COL14A1: variants seen among roughly 807,000 people sequenced by gnomAD.
COL14A1 encodes collagen type XIV alpha 1 chain.
A neutral mutation model predicts 230.3 loss-of-function variants in COL14A1; 136 were observed. That is an observed-to-expected ratio of 0.59 (90% CI 0.51 to 0.68). COL14A1 has a LOEUF of 0.68. Among genes scored for constraint, COL14A1 ranks in the 30% least tolerant of loss-of-function variants. The probability of loss-of-function intolerance (pLI) is 0.00; values close to 1 mark genes in which losing one functional copy is unlikely to be tolerated. For synonymous variants in COL14A1, 792 were observed against 784.1 expected (o/e 1.01, Z -0.17); for missense variants, 1,976 against 2,215.8 (o/e 0.89, Z 2.17).
At position 120,371,848 on chromosome 8, in the gene COL14A1, A is replaced by C; in HGVS notation, c.*617A>C. On this transcript the variant is annotated 3_prime_UTR_variant, in exon 48 of 48. Coordinates refer to ENST00000297848, the MANE Select transcript of COL14A1 (RefSeq NM_021110.4). ...CAGATTTAGTTTTTCAGTGGTTTTA[A>C]CTCATGTGAAATAATGATTTTCCAC... 2.6e-6 allele frequency: 1 copy of C among 378,558 alleles called. No homozygotes were observed. Among genetic ancestry groups the C allele is most frequent in the Non-Finnish European group, 4.7e-6 (1 of 213,022 alleles). 23.4% of individuals were successfully genotyped at this position (378,558 alleles called of 1,614,324 possible). A position where few individuals can be genotyped will look rare whatever the true frequency, so the allele number is the denominator to read the frequency against.
At chr8:120,332,818 T>C in intron 42 of COL14A1, 83 bp downstream of exon 42, 1 of 1,109,024 alleles carries the variant, frequency 9.0e-7, no homozygotes, top group Non-Finnish European at 1.3e-6. Context: ...GCCTTTCTGT[T>C]AGTCAGAAAT....
chr8:120,182,471 G>C (rs899454409), intron 5 of COL14A1, among the ~76,000 whole-genome samples: 3 of 152,162 alleles, frequency 2.0e-5, no homozygotes, highest in African/African-American at 7.2e-5. Context: ...TAATTGAGTT[G>C]TGTTTTGTGA....
chr8:120,369,057 C>T (rs1315880963), intron 46 of COL14A1, among the ~76,000 whole-genome samples: 2 of 152,212 alleles, frequency 1.3e-5, no homozygotes, highest in Admixed American at 1.3e-4. Context: ...GTTCCTTTCC[C>T]TTTAACATCC....
rs879006642 is a variant in COL14A1 at position 120,247,731 on chromosome 8, C to A, written c.2598C>A (p.Val866=). The A allele has an allele frequency of 1.2e-6, 2 of 1,613,662 alleles. No homozygotes were observed. Among genetic ancestry groups the A allele is most frequent in the Admixed American group, 1.7e-5 (1 of 59,940 alleles). The part of the protein sequence containing the change: ...VKGYRIVYKP[V]SVPGPTLETF... ...GCTATAGAATTGTCTACAAACCTGT[C>A]AGTGGTAAGTAATGCTTTGTAAATA... Residue 866 remains valine, a synonymous_variant, in exon 21 of 48, where the codon GTC becomes GTA. Transcript: ENST00000297848.
chr8:120,309,804 GT>G (rs1369697801), intron 36 of COL14A1, among the ~76,000 whole-genome samples: 1 of 152,142 alleles, frequency 6.6e-6, no homozygotes, highest in African/African-American at 2.4e-5. Flanking sequence ...GGCAAAGAAA[GT>G]TTTCCAAAAC....
chr8:120,208,421 T>C, intron 11 of COL14A1, 60 bp downstream of exon 11: 2 of 1,544,358 alleles, frequency 1.3e-6, no homozygotes, highest in Non-Finnish European at 1.8e-6. Flanking sequence ...GAGGCCTTTC[T>C]TAAATTGAAA....
rs765399026 is a variant in COL14A1, at chr8:120,342,383, G to A, written c.4825G>A (p.Asp1609Asn). 2.5e-6 allele frequency: 4 copies of A among 1,613,892 alleles called. No homozygotes were observed. The highest frequency in any genetic ancestry group is 3.4e-6 in the Non-Finnish European group (4 of 1,179,854). Residue 1609 changes from aspartate (D) to asparagine (N), a missense_variant, in exon 44 of 48, where the codon GAC (aspartate) becomes AAC (asparagine). Asp to Asn is a conservative substitution (Grantham distance 23). Around this residue, in one of 3 missense-constraint regions of COL14A1, gnomAD observed 1,791 missense variants for 2,019.5 expected, o/e 0.89. Transcript: ENST00000297848. ...GTATGCTTTTTTTCTCATCCAGGGT[G>A]ACCTGCAGTCTCAAGCCATGGTGAG... ...GAKGERGERG[D>N]LQSQAMVRSV...
At chr8:120,129,670 G>A (rs1019379036) in intron 1 of COL14A1, among the ~76,000 whole-genome samples, 1 of 152,188 alleles carries the variant, frequency 6.6e-6, no homozygotes, top group African/African-American at 2.4e-5. Flanking sequence ...CCTATGGCAT[G>A]GGAGAAGAAA....
At chr8:120,176,006 A>T (rs1266459275) in intron 5 of COL14A1, among the ~76,000 whole-genome samples, 1 of 152,182 alleles carries the variant, frequency 6.6e-6, no homozygotes, top group Non-Finnish European at 1.5e-5. Flanking sequence ...AGTTGTGAAG[A>T]TTGAGTTAAA....
rs1405494496 is a variant in COL14A1 at position 120,231,578 on chromosome 8, T to A, written c.2309T>A (p.Met770Lys). 6.2e-6 allele frequency: 10 copies of A among 1,613,902 alleles called. No homozygotes were observed. In the Admixed American group the frequency reaches 6.7e-5, roughly 11 times the overall value. Residue 770 changes from methionine (M) to lysine (K), a missense_variant, in exon 19 of 48, where the codon ATG becomes AAG. Coordinates refer to ENST00000297848, the MANE Select transcript of COL14A1 (RefSeq NM_021110.4). ...GTGCAGCAGTTTAGGGTGACCTACA[T>A]GACAGCTCAAGGGGACCCTGAGGAA... ...SDVQQFRVTY[M>K]TAQGDPEEEV...
At chr8:120,292,708 A>C (rs1406078238) in intron 34 of COL14A1, among the ~76,000 whole-genome samples, 1 of 152,140 alleles carries the variant, frequency 6.6e-6, no homozygotes, top group Non-Finnish European at 1.5e-5. Context: ...TTCTAGGAGG[A>C]GTAATTATTA....
rs1181218391 is a variant in COL14A1 at position 120,209,889 on chromosome 8, G to C, written c.1455G>C (p.Gly485=). The stretch of plus-strand genomic sequence containing the variant: ...CTCCTCTAACAGAGGGCCTGGCTGG[G>C]GATGAAAAAGAGGTAACCACTTCCT... The part of the protein sequence containing the change: ...LYAPLTEGLA[G]DEKEMKIGET... The change falls in exon 12 of 48, where the codon GGG becomes GGC. Residue 485 remains glycine (G), a synonymous_variant. Coordinates refer to ENST00000297848, the MANE Select transcript of COL14A1 (RefSeq NM_021110.4). The C allele has an allele frequency of 1.2e-6, 2 of 1,602,300 alleles. No homozygotes were observed.
chr8:120,281,565 T>TAA (rs61230108), intron 31 of COL14A1, among the ~76,000 whole-genome samples: 56,876 of 137,844 alleles, frequency 0.41, 11,805 homozygotes, highest in East Asian at 0.53. Context: ...ACCCCGTCTT[T>TAA]AAAAAAAAAA....
chr8:120,263,443 TG>T (rs774826040), intron 24 of COL14A1, among the ~76,000 whole-genome samples: 11 of 152,194 alleles, frequency 7.2e-5, no homozygotes. Context: ...CTAGAGTTAC[TG>T]CTTGCCTAAG....
intron 8 of COL14A1, among the ~76,000 whole-genome samples, chr8:120,201,282 A>C (rs992522400): frequency 3.3e-5 from 5 of 152,078 alleles, no homozygotes; most frequent in African/African-American, 9.7e-5. Context: ...TTTTGTGTGC[A>C]TGTGTGTGTG....
intron 21 of COL14A1, among the ~76,000 whole-genome samples, chr8:120,249,102 T>TC (rs900419866): frequency 3.4e-5 from 5 of 148,394 alleles, no homozygotes; most frequent in African/African-American, 1.2e-4. Context: ...AATTTTTTTT[T>TC]TTTTTTTTTA....
At chr8:120,367,338 T>C (rs1823439432) in intron 46 of COL14A1, 90 bp downstream of exon 46, 1 of 1,020,940 alleles carries the variant, frequency 9.8e-7, no homozygotes, top group South Asian at 1.6e-5. Context: ...TCTTACATCC[T>C]AGTATGTAAC....
chr8:120,239,882 CATTAAGCTTCTTAGTGAATT>C (rs1181369494), intron 19 of COL14A1, among the ~76,000 whole-genome samples: 11 of 150,868 alleles, frequency 7.3e-5, no homozygotes, highest in African/African-American at 2.7e-4. Flanking sequence ...CTGAGAAATA[CATTAAGCTTCTTAGTGAATT>C]ATTCCTGTTA....
At chr8:120,175,535 G>C (rs1816254225) in intron 5 of COL14A1, among the ~76,000 whole-genome samples, 1 of 152,116 alleles carries the variant, frequency 6.6e-6, no homozygotes, top group East Asian at 1.9e-4. Flanking sequence ...AATGAGATGA[G>C]CTTAAATTAT....
Sources: gnomAD v4.1 joint callset for allele counts (sites outside exome capture counted in the v4.1 genomes callset) on GRCh38, gnomAD v4.1.1 for gene constraint, gnomAD v4.1.1 regional missense constraint, MANE v1.5 for transcripts, NCBI Gene and HGNC (gene_info 2026-07-23, HGNC 2026-07-21) for gene names.